PCDHGA6: variants seen among roughly 807,000 people sequenced by gnomAD.
PCDHGA6 encodes protocadherin gamma subfamily A, 6, also known as protocadherin gamma-A6.
A neutral mutation model predicts 60.6 loss-of-function variants in PCDHGA6; 41 were observed. The observed-to-expected ratio is 0.68, with a 90% CI of 0.53 to 0.88. PCDHGA6 has a LOEUF of 0.88. Ranked by LOEUF, PCDHGA6 falls within the 40% of genes least tolerant of loss-of-function variation. The pLI is 0.00. For synonymous variants in PCDHGA6, 594 were observed against 524.4 expected (o/e 1.13, Z -1.81); for missense variants, 1,312 against 1,203.0 (o/e 1.09, Z -1.34).
intron 1 of PCDHGA6, chr5:141,391,690 A>AC (rs1231042361): frequency 6.6e-6 from 1 of 152,236 alleles, no homozygotes; most frequent in African/African-American, 2.4e-5. Flanking sequence ...TTCATCTGCT[A>AC]CGTTGCCCAG....
At chr5:141,501,516 C>A (rs763346187) in intron 2 of PCDHGA6, among the ~76,000 whole-genome samples, 1 of 152,010 alleles carries the variant, frequency 6.6e-6, no homozygotes, top group Non-Finnish European at 1.5e-5. Flanking sequence ...GGCCTCCAAG[C>A]TGAAGCCCAG....
At chr5:141,463,581 T>TG (rs2099064477) in intron 1 of PCDHGA6, among the ~76,000 whole-genome samples, 1 of 151,502 alleles carries the variant, frequency 6.6e-6, no homozygotes, top group Non-Finnish European at 1.5e-5. Context: ...CCCGAGTAGC[T>TG]GGGACTACAG....
At chr5:141,418,577 C>T (rs1173424447) in intron 1 of PCDHGA6, 2 of 1,614,038 alleles carry the variant, frequency 1.2e-6, no homozygotes, top group South Asian at 1.1e-5. Context: ...TGACAACCCC[C>T]CAGTGTTCAG....
chr5:141,433,408 A>ATCTATCTATCT (rs1413347413), intron 1 of PCDHGA6, among the ~76,000 whole-genome samples: 6 of 127,280 alleles, frequency 4.7e-5, no homozygotes, highest in African/African-American at 1.8e-4. Context: ...TCTATCTATT[A>ATCTATCTATCT]CTTTCTTGTA....
chr5:141,381,417 G>A (rs954058342), intron 1 of PCDHGA6, among the ~76,000 whole-genome samples: 1 of 152,214 alleles, frequency 6.6e-6, no homozygotes, highest in Admixed American at 6.5e-5. Context: ...GTGGAGAGAC[G>A]AGTACCTCTA....
At chr5:141,506,636 C>T (rs1421676205) in intron 3 of PCDHGA6, among the ~76,000 whole-genome samples, 2 of 152,020 alleles carry the variant, frequency 1.3e-5, no homozygotes, top group South Asian at 2.1e-4. Context: ...AATGCAAGTC[C>T]CTCAGCACAG....
At chr5:141,395,535 C>T in intron 1 of PCDHGA6, 1 of 331,902 alleles carries the variant, frequency 3.0e-6, no homozygotes, top group Non-Finnish European at 5.4e-6. Flanking sequence ...GGTAATTTTG[C>T]TATTGTTTGT....
chr5:141,425,243 G>T (rs2096863760), intron 1 of PCDHGA6, among the ~76,000 whole-genome samples: 1 of 152,132 alleles, frequency 6.6e-6, no homozygotes, highest in Non-Finnish European at 1.5e-5. Flanking sequence ...AAATAAAAAG[G>T]ATATGAGGTA....
At chr5:141,395,222 AG>A (rs2093199234) in intron 1 of PCDHGA6, 1 of 1,611,488 alleles carries the variant, frequency 6.2e-7, no homozygotes, top group African/African-American at 1.3e-5. Context: ...ATAAGAATGA[AG>A]CTGATCATGG....
intron 1 of PCDHGA6, among the ~76,000 whole-genome samples, chr5:141,405,786 T>C (rs72790035): frequency 0.064 from 9,727 of 151,196 alleles, 364 homozygotes; most frequent in African/African-American, 0.1. Context: ...CCCTTAACTT[T>C]CTATTATAGT....
intron 1 of PCDHGA6, chr5:141,410,268 A>C: frequency 6.2e-7 from 1 of 1,613,994 alleles, no homozygotes. Context: ...GCTGAACTGC[A>C]GTTTTACCTG....
rs61612330 is a variant in PCDHGA6, at chr5:141,454,796, A to ATTTTTTTTTTTTTTTTTT, written c.2425-39999_2425-39982dup. Reference sequence around the variant, plus strand: ...AAGGAAATAATCCTCCATGGTTCTAATTTTTTTTTTTTTTTTTTTTTTTTT... The same window carrying ATTTTTTTTTTTTTTTTTT: ...AAGGAAATAATCCTCCATGGTTCTAATTTTTTTTTTTTTTTTTTTTTTTTTTTTTTTTTTTTTTTTTTT... On this transcript the variant is annotated intron_variant, in intron 1 of 3. Coordinates refer to ENST00000517434, the MANE Select transcript of PCDHGA6 (RefSeq NM_018919.3). 9.0e-4 allele frequency among the ~76,000 whole-genome samples: 70 copies of ATTTTTTTTTTTTTTTTTT among 77,458 alleles called. 9 individuals carry two copies. Among genetic ancestry groups the ATTTTTTTTTTTTTTTTTT allele is most frequent in the Non-Finnish European group, 1.1e-3 (48 of 42,814 alleles). The allele number at this position is 77,458 out of a possible 152,430, so 50.8% of individuals were successfully genotyped here. A position where few individuals can be genotyped will look rare whatever the true frequency, so the allele number is the denominator to read the frequency against.
intron 1 of PCDHGA6, among the ~76,000 whole-genome samples, chr5:141,451,429 G>A (rs577699188): frequency 1.3e-3 from 195 of 152,306 alleles, no homozygotes; most frequent in African/African-American, 4.5e-3. Flanking sequence ...TAGACTAAGG[G>A]TTCCAGTTCC....
At chr5:141,384,090 A>T in intron 1 of PCDHGA6, 3 of 1,596,410 alleles carry the variant, frequency 1.9e-6, no homozygotes, top group Non-Finnish European at 2.6e-6. Flanking sequence ...TAGAAAAATC[A>T]ATAGATAATT....
At chr5:141,387,316 A>G (rs1239342995) in intron 1 of PCDHGA6, among the ~76,000 whole-genome samples, 3 of 152,214 alleles carry the variant, frequency 2.0e-5, no homozygotes, top group African/African-American at 7.2e-5. Flanking sequence ...TCTAATGAGT[A>G]AGTATGGAAA....
intron 1 of PCDHGA6, chr5:141,383,587 G>A (rs1054174619): frequency 3.1e-6 from 5 of 1,613,564 alleles, no homozygotes; most frequent in African/African-American, 1.3e-5. Context: ...CCACATCCAG[G>A]TGACAGTGGT....
intron 1 of PCDHGA6, chr5:141,415,300 C>T (rs763286826): frequency 3.1e-6 from 5 of 1,614,222 alleles, no homozygotes; most frequent in East Asian, 4.5e-5. Context: ...CTGCGTCTTC[C>T]TGGCCTTCGT....
At chr5:141,414,134 A>T in intron 1 of PCDHGA6, 1 of 1,595,028 alleles carries the variant, frequency 6.3e-7, no homozygotes, top group South Asian at 1.1e-5. Flanking sequence ...GGTTTCTATG[A>T]AATAGAAATA....
Position 141,491,166 on chromosome 5 carries a change from G to A in PCDHGA6, c.2425-3641G>A. 1 of 1,614,150 alleles carries A rather than the reference G, an allele frequency of 6.2e-7. No individual in the cohort carries two copies. The highest frequency in any genetic ancestry group is 8.5e-7 in the Non-Finnish European group (1 of 1,179,964). ...TACTGGAGGATGACTCTGACACCCA[G>A]CAGGTGGTGGTCCTGGTGAGGGACA... On this transcript the variant is annotated intron_variant, in intron 1 of 3. Transcript: ENST00000517434. The surrounding 1 kb of genome is among the most constrained non-coding windows in gnomAD (Gnocchi z 6.9).
Sources: allele counts gnomAD v4.1 joint callset (sites outside exome capture counted in the v4.1 genomes callset), GRCh38; gene constraint gnomAD v4.1.1; non-coding constraint Gnocchi (gnomAD v3.1); transcripts MANE v1.5; gene names NCBI Gene and HGNC (gene_info 2026-07-23, HGNC 2026-07-21).